The following RBPJ variants were observed in gnomAD, a reference collection of about 807,000 sequenced individuals.
RBPJ encodes recombination signal binding protein for immunoglobulin kappa J region.
In RBPJ, 9 loss-of-function variants were observed where a neutral mutation model predicts 67.8. That is an observed-to-expected ratio of 0.13 (90% confidence interval 0.08 to 0.23). RBPJ has a LOEUF of 0.23. Ranked by LOEUF, RBPJ falls within the 10% of genes least tolerant of loss-of-function variation. The pLI is 1.00. For synonymous variants in RBPJ, 198 were observed against 203.3 expected (o/e 0.97, Z 0.22); for missense variants, 305 against 595.6 (o/e 0.51, Z 5.08).
intron 1 of RBPJ, among the ~76,000 whole-genome samples, chr4:26,173,564 C>A (rs1477548787): frequency 1.3e-5 from 2 of 152,162 alleles, no homozygotes; most frequent in Admixed American, 6.5e-5. Flanking sequence ...TTACGTCTAA[C>A]CTTACACCCA....
intron 1 of RBPJ, among the ~76,000 whole-genome samples, chr4:26,328,048 C>T (rs962046328): frequency 1.3e-5 from 2 of 151,766 alleles, no homozygotes; most frequent in Non-Finnish European, 2.9e-5. Flanking sequence ...GGTATATGTT[C>T]CCTTTTGGAA....
chr4:26,421,107 T>G (rs1431735195), intron 5 of RBPJ, among the ~76,000 whole-genome samples: 2 of 152,190 alleles, frequency 1.3e-5, no homozygotes. Context: ...TGTCAACAAG[T>G]ACCCCTTTGA....
chr4:26,386,437 G>A (rs1730926002), intron 2 of RBPJ, 46 bp downstream of exon 2: 3 of 1,277,570 alleles, frequency 2.3e-6, no homozygotes, highest in Admixed American at 2.0e-5. Context: ...TTTTATGAAA[G>A]TATAAATCTT....
At chr4:26,344,811 T>C (rs1448159896) in intron 1 of RBPJ, among the ~76,000 whole-genome samples, 1 of 152,186 alleles carries the variant, frequency 6.6e-6, no homozygotes, top group East Asian at 1.9e-4. Flanking sequence ...AGAGTGTATA[T>C]TTGCAAATCT....
chr4:26,382,392 T>A (rs1730416133), intron 1 of RBPJ, among the ~76,000 whole-genome samples: 1 of 152,246 alleles, frequency 6.6e-6, no homozygotes, highest in South Asian at 2.1e-4. Context: ...TTAATCAAAT[T>A]AGTAGTGGAA....
chr4:26,319,645 T>C (rs966059805), upstream of RBPJ: 2 of 611,866 alleles, frequency 3.3e-6, no homozygotes, highest in African/African-American at 1.9e-5. Context: ...CACGGCCGTG[T>C]TGTGTCTGAG....
rs560924279 is a variant in RBPJ, at chr4:26,388,627, CAAATT to C, written c.59+2241_59+2245del. ...ACACTCTCTCTCTCTCTCTCTCTCT[CAAATT>C]AAATCTCTAAAGATGAAAAGTTTAA... is the stretch of plus-strand genomic sequence containing the variant. On this transcript the variant is annotated intron_variant, in intron 2 of 10. Coordinates refer to ENST00000355476, the MANE Select transcript of RBPJ (RefSeq NM_015874.6). Among the ~76,000 whole-genome samples, 116 of 148,068 alleles carry C rather than the reference CAAATT, an allele frequency of 7.8e-4. 1 individual carries two copies. In the Middle Eastern group the frequency reaches 0.029, roughly 36 times the overall value.
At chr4:26,401,625 T>C (rs1732811083) in intron 2 of RBPJ, among the ~76,000 whole-genome samples, 1 of 152,238 alleles carries the variant, frequency 6.6e-6, no homozygotes, top group African/African-American at 2.4e-5. Context: ...AATATGGATC[T>C]TGCCTTTAAA....
At chr4:26,395,778 C>T (rs1000601795) in intron 2 of RBPJ, among the ~76,000 whole-genome samples, 3 of 152,266 alleles carry the variant, frequency 2.0e-5, no homozygotes, top group African/African-American at 7.2e-5. Flanking sequence ...CGGACTAAGA[C>T]GATTATATGT....
At chr4:26,138,260 G>A in the RBPJ span, among the ~76,000 whole-genome samples, 2 of 152,002 alleles carry the variant, frequency 1.3e-5, no homozygotes. Flanking sequence ...ACCTTCCACT[G>A]TTGAAGCCAG....
intron 1 of RBPJ, among the ~76,000 whole-genome samples, chr4:26,219,587 A>AC (rs1231191813): frequency 1.2e-4 from 19 of 152,160 alleles, no homozygotes; most frequent in Admixed American, 6.5e-4. Flanking sequence ...TAAAAAGTGA[A>AC]CGTGAACTCT....
At chr4:26,271,151 C>G (rs778596734) in intron 1 of RBPJ, among the ~76,000 whole-genome samples, 2 of 152,174 alleles carry the variant, frequency 1.3e-5, no homozygotes, top group Non-Finnish European at 2.9e-5. Context: ...AGCTCTCCTC[C>G]TGGCCCAGCC....
At chr4:26,262,324 C>G (rs1720566098) in intron 1 of RBPJ, among the ~76,000 whole-genome samples, 1 of 152,248 alleles carries the variant, frequency 6.6e-6, no homozygotes, top group South Asian at 2.1e-4. Context: ...ATCCTCCCAC[C>G]TCAGCCTCCT....
chr4:26,210,792 T>C (rs541791671), intron 1 of RBPJ, among the ~76,000 whole-genome samples: 2 of 148,406 alleles, frequency 1.3e-5, no homozygotes, highest in South Asian at 2.2e-4. Context: ...TCTTTCTTTC[T>C]TTCTTTCTTT....
chr4:26,255,290 GC>G (rs1284328442), intron 1 of RBPJ, among the ~76,000 whole-genome samples: 80 of 134,460 alleles, frequency 5.9e-4, no homozygotes, highest in Admixed American at 8.2e-4. Context: ...TGTAGTCCCA[GC>G]TACTCGGGAG....
At chr4:26,172,270 G>T (rs1469122916) in intron 1 of RBPJ, among the ~76,000 whole-genome samples, 1 of 152,110 alleles carries the variant, frequency 6.6e-6, no homozygotes, top group Non-Finnish European at 1.5e-5. Flanking sequence ...CCACCCTGCA[G>T]CTGCCGTGGG....
intron 1 of RBPJ, among the ~76,000 whole-genome samples, chr4:26,255,874 G>A (rs1720327624): frequency 6.7e-6 from 1 of 149,382 alleles, no homozygotes; most frequent in Non-Finnish European, 1.5e-5. Context: ...TTTGAGAAAT[G>A]GAGAAACCTC....
At chr4:26,276,843 T>C (rs1254762512) in intron 1 of RBPJ, among the ~76,000 whole-genome samples, 1 of 152,256 alleles carries the variant, frequency 6.6e-6, no homozygotes, top group African/African-American at 2.4e-5. Flanking sequence ...GTCTGTTTCC[T>C]TTGTAGCAAG....
At chr4:26,416,396 T>G (rs1734593594) in intron 4 of RBPJ, among the ~76,000 whole-genome samples, 2 of 152,022 alleles carry the variant, frequency 1.3e-5, no homozygotes, top group South Asian at 4.1e-4. Flanking sequence ...CCAGCTAACT[T>G]TTTTGTATTT....
Sources: gnomAD v4.1 joint callset for allele counts (sites outside exome capture counted in the v4.1 genomes callset) on GRCh38, gnomAD v4.1.1 for gene constraint, MANE v1.5 for transcripts, NCBI Gene and HGNC (gene_info 2026-07-23, HGNC 2026-07-21) for gene names.